The following ASIC2 variants were observed in gnomAD, a reference collection of about 807,000 sequenced individuals.
ASIC2 encodes acid-sensing ion channel 2.
ASIC2 carries 25 observed loss-of-function variants against 57.3 expected under a neutral mutation model. The ratio of observed to expected loss-of-function variants is 0.44; its 90% CI spans 0.32 to 0.61. The LOEUF (loss-of-function observed/expected upper bound fraction) is 0.61. Among genes scored for constraint, ASIC2 ranks in the 20% least tolerant of loss-of-function variants. The pLI is 0.06. For synonymous variants in ASIC2, 319 were observed against 307.5 expected (o/e 1.04, Z -0.39); for missense variants, 641 against 738.1 (o/e 0.87, Z 1.52).
intron 1 of ASIC2, among the ~76,000 whole-genome samples, chr17:34,077,460 T>G (rs1909712351): frequency 6.6e-6 from 1 of 152,170 alleles, no homozygotes; most frequent in African/African-American, 2.4e-5. Context: ...ACACGACGTT[T>G]TGTCTGGCTA....
intron 1 of ASIC2, among the ~76,000 whole-genome samples, chr17:33,336,326 T>C (rs1235179142): frequency 6.6e-6 from 1 of 152,068 alleles, no homozygotes; most frequent in Non-Finnish European, 1.5e-5. Context: ...CTCATACTGA[T>C]CCCGTCTCTA....
In ASIC2 at chr17:33,428,098, G is replaced by A. The variant is rs988936906; in HGVS notation, c.556-316031C>T. Among the ~76,000 whole-genome samples, 5 of 152,276 alleles carry A rather than the reference G, an allele frequency of 3.3e-5. No homozygotes were observed. The South Asian group carries it at 1.0e-3, about 32-fold the overall frequency. Reference sequence around the variant, plus strand: ...TGACATCTTACCTGCAACCTCATAGGATACCCTGAGCCTAAACTACCTAGC... The same window carrying A: ...TGACATCTTACCTGCAACCTCATAGAATACCCTGAGCCTAAACTACCTAGC... On this transcript the variant is annotated intron_variant, in intron 1 of 9. Transcript: ENST00000359872.
At chr17:33,739,583 A>G (rs1009914407) in intron 1 of ASIC2, among the ~76,000 whole-genome samples, 2 of 152,202 alleles carry the variant, frequency 1.3e-5, no homozygotes, top group African/African-American at 4.8e-5. Flanking sequence ...GCTGTGCTCT[A>G]AGCTTCAGCA....
intron 1 of ASIC2, among the ~76,000 whole-genome samples, chr17:33,140,778 A>C (rs1216131624): frequency 1.3e-5 from 2 of 152,224 alleles, no homozygotes; most frequent in East Asian, 3.8e-4. Context: ...AGGACTATTA[A>C]AGTTAAATAA....
At chr17:34,065,527 CAT>C (rs780401207) in intron 1 of ASIC2, among the ~76,000 whole-genome samples, 30 of 152,186 alleles carry the variant, frequency 2.0e-4, no homozygotes, top group Admixed American at 5.9e-4. Flanking sequence ...AAAAATAAAA[CAT>C]ATTTTTTTAA....
intron 1 of ASIC2, among the ~76,000 whole-genome samples, chr17:33,942,467 G>A (rs1463141017): frequency 1.3e-5 from 2 of 152,148 alleles, no homozygotes; most frequent in Non-Finnish European, 2.9e-5. Context: ...CAATGGAAGA[G>A]CCAAGGCCAG....
chr17:34,098,036 ATTGC>A (rs147896753), intron 1 of ASIC2, among the ~76,000 whole-genome samples: 1,623 of 152,274 alleles, frequency 0.011, 31 homozygotes, highest in East Asian at 0.083. Flanking sequence ...TTTGTCATGC[ATTGC>A]TTTTGTCCCC....
chr17:33,114,405 C>G (rs1000490770), intron 1 of ASIC2, among the ~76,000 whole-genome samples: 1 of 152,212 alleles, frequency 6.6e-6, no homozygotes, highest in Non-Finnish European at 1.5e-5. Flanking sequence ...TTCTGGGGTG[C>G]TCCAATAGAG....
At chr17:33,708,892 T>C (rs958810248) in intron 1 of ASIC2, among the ~76,000 whole-genome samples, 1 of 152,208 alleles carries the variant, frequency 6.6e-6, no homozygotes, top group Admixed American at 6.5e-5. Context: ...GTTGGACTTA[T>C]TGCCAATCAC....
At position 34,091,835 on chromosome 17, in the gene ASIC2, T is replaced by C. The variant is rs931823789; in HGVS notation, c.555+64143A>G. On this transcript the variant is annotated intron_variant, in intron 1 of 9. Coordinates refer to the ASIC2 transcript ENST00000359872. ...TACAGGCTTTGGAATCAGATTCATA[T>C]ACAGATTGGAATCCCAGTTCTGTAT... Among the ~76,000 whole-genome samples, 12 of 152,224 alleles carry C rather than the reference T, an allele frequency of 7.9e-5. No homozygotes were observed. In the East Asian group the frequency reaches 1.9e-3, roughly 24 times the overall value.
At chr17:33,985,428 T>A (rs1567779040) in intron 1 of ASIC2, among the ~76,000 whole-genome samples, 1 of 152,144 alleles carries the variant, frequency 6.6e-6, no homozygotes, top group East Asian at 1.9e-4. Context: ...ACATTCTGCA[T>A]CTCTAACAAG....
intron 2 of ASIC2, among the ~76,000 whole-genome samples, chr17:33,101,444 G>A (rs898634479): frequency 3.9e-5 from 6 of 152,010 alleles, no homozygotes; most frequent in African/African-American, 1.5e-4. Context: ...TCCTACCCCC[G>A]AGTCCTACTT....
intron 1 of ASIC2, among the ~76,000 whole-genome samples, chr17:33,490,352 T>C (rs1913713348): frequency 6.6e-6 from 1 of 152,262 alleles, no homozygotes; most frequent in Non-Finnish European, 1.5e-5. Flanking sequence ...CCTGTGATTT[T>C]TAACTCATCA....
intron 3 of ASIC2, among the ~76,000 whole-genome samples, chr17:33,080,224 C>A (rs2092107866): frequency 6.6e-6 from 1 of 151,974 alleles, no homozygotes; most frequent in Non-Finnish European, 1.5e-5. Context: ...TGAAAGGAAG[C>A]CAGGCAGGAG....
chr17:33,041,760 G>A (rs1274734227), intron 3 of ASIC2, among the ~76,000 whole-genome samples: 1 of 152,214 alleles, frequency 6.6e-6, no homozygotes, highest in Non-Finnish European at 1.5e-5. Context: ...AATGAGGTGG[G>A]CTTAGCACCA....
chr17:33,703,761 G>C (rs1346516362), intron 1 of ASIC2, among the ~76,000 whole-genome samples: 2 of 152,136 alleles, frequency 1.3e-5, no homozygotes, highest in African/African-American at 2.4e-5. Context: ...CCTCAATTCT[G>C]TAAGCTCCCC....
intron 1 of ASIC2, among the ~76,000 whole-genome samples, chr17:33,516,965 T>G (rs990017678): frequency 6.6e-6 from 1 of 152,242 alleles, no homozygotes; most frequent in Admixed American, 6.5e-5. Flanking sequence ...AATGTATCGG[T>G]GCCGCATGGG....
At chr17:33,639,135 C>A (rs532317784) in intron 1 of ASIC2, among the ~76,000 whole-genome samples, 23 of 151,876 alleles carry the variant, frequency 1.5e-4, no homozygotes, top group African/African-American at 5.6e-4. Context: ...CAGACCAAGG[C>A]CAAACTGGTG....
chr17:33,647,086 G>A (rs1413015948), intron 1 of ASIC2, among the ~76,000 whole-genome samples: 1 of 152,166 alleles, frequency 6.6e-6, no homozygotes, highest in Non-Finnish European at 1.5e-5. Flanking sequence ...CTGTACTGTT[G>A]TTTGGCCAGA....
Sources: gnomAD v4.1 joint callset for allele counts (sites outside exome capture counted in the v4.1 genomes callset) on GRCh38, gnomAD v4.1.1 for gene constraint, MANE v1.5 for transcripts, NCBI Gene and HGNC (gene_info 2026-07-23, HGNC 2026-07-21) for gene names.